Variants in TLE4 observed in about 807,000 individuals in gnomAD.
The protein encoded by TLE4 is TLE family member 4, transcriptional corepressor, also known as transducin-like enhancer protein 4.
A neutral mutation model predicts 92.8 loss-of-function variants in TLE4; 8 were observed. That is an observed-to-expected ratio of 0.09 (90% confidence interval 0.05 to 0.16). The LOEUF (loss-of-function observed/expected upper bound fraction) is 0.16. Among genes scored for constraint, TLE4 ranks in the 10% least tolerant of loss-of-function variants. The probability of loss-of-function intolerance (pLI) is 1.00; values close to 1 mark genes in which losing one functional copy is unlikely to be tolerated. For missense variants in TLE4, 675 were observed against 997.6 expected, an observed-to-expected ratio of 0.68 and a Z score of 4.36; for synonymous variants, 371 against 374.1, an observed-to-expected ratio of 0.99 and a Z score of 0.10.
chr9:79,690,116 T>C (rs2066741725), intron 8 of TLE4, among the ~76,000 whole-genome samples: 1 of 152,166 alleles, frequency 6.6e-6, no homozygotes, highest in Non-Finnish European at 1.5e-5. Flanking sequence ...TCCTTGTTGC[T>C]CTATACCTTA....
intron 8 of TLE4, among the ~76,000 whole-genome samples, chr9:79,697,832 T>C (rs892199621): frequency 6.6e-6 from 1 of 152,016 alleles, no homozygotes; most frequent in African/African-American, 2.4e-5. Context: ...AAGAAAAAAA[T>C]ATGTAATACT....
intron 8 of TLE4, among the ~76,000 whole-genome samples, chr9:79,689,187 G>T (rs2066513449): frequency 6.6e-6 from 1 of 152,098 alleles, no homozygotes; most frequent in East Asian, 1.9e-4. Context: ...GTGTGTGTGT[G>T]GGTATGTTTA....
chr9:79,707,964 C>CT, intron 11 of TLE4, among the ~76,000 whole-genome samples, 154 bp from the exon 12 acceptor site: 2 of 152,354 alleles, frequency 1.3e-5, no homozygotes, highest in East Asian at 3.9e-4. Context: ...TCTTTTGTTT[C>CT]TTTGTTAACT....
At chr9:79,584,370 A>T (rs978391524) in intron 4 of TLE4, among the ~76,000 whole-genome samples, 6 of 152,158 alleles carry the variant, frequency 3.9e-5, no homozygotes, top group Non-Finnish European at 7.3e-5. Flanking sequence ...GGAGTCTAGG[A>T]TCAGCAATAT....
chr9:79,722,179 C>A (rs896687397), intron 17 of TLE4, among the ~76,000 whole-genome samples: 4 of 151,774 alleles, frequency 2.6e-5, no homozygotes, highest in Non-Finnish European at 5.9e-5. Flanking sequence ...CAAAAAAAAA[C>A]AAAAATGATA....
At chr9:79,668,707 G>A (rs1376676710) in intron 8 of TLE4, 1 of 409,488 alleles carries the variant, frequency 2.4e-6, no homozygotes, top group Non-Finnish European at 3.3e-6. Flanking sequence ...GAGGTGGGGA[G>A]GATTAAGAAG....
At chr9:79,609,714 T>A (rs2047934960) in intron 4 of TLE4, among the ~76,000 whole-genome samples, 11 of 152,058 alleles carry the variant, frequency 7.2e-5, no homozygotes, top group Admixed American at 7.2e-4. Flanking sequence ...TTTAGCAGTG[T>A]CCATAAAGCA....
In TLE4 at chr9:79,718,172, GC is replaced by G; in HGVS notation, c.1341-549del. On this transcript the variant is annotated intron_variant, in intron 14 of 19. Coordinates refer to ENST00000376552, the MANE Select transcript of TLE4 (RefSeq NM_007005.6). ...AGTCTGATCAAGGTTTTAAAATAGG[GC>G]TTTATCTTTTTTTTTTTGGCACATC... 9.6e-6 allele frequency: 4 copies of G among 417,430 alleles called. No homozygotes were observed. In the Admixed American group the frequency reaches 1.2e-4, roughly 13 times the overall value. The allele number at this position is 417,430 out of a possible 1,614,324, so 25.9% of individuals were successfully genotyped here.
chr9:79,650,753 C>G (rs1341509889), intron 6 of TLE4, among the ~76,000 whole-genome samples: 1 of 151,978 alleles, frequency 6.6e-6, no homozygotes, highest in Non-Finnish European at 1.5e-5. Context: ...CTGGATGTGG[C>G]TCCCATTTTC....
chr9:79,666,198 G>T lies in TLE4; in HGVS notation c.609+12123G>T, dbSNP rs867102541. 3.3e-3 allele frequency among the ~76,000 whole-genome samples: 419 copies of T among 128,088 alleles called. 4 individuals are homozygous for T. Among genetic ancestry groups the T allele is most frequent in the African/African-American group, 8.8e-3 (313 of 35,554 alleles). 84.0% of individuals were successfully genotyped at this position (128,088 alleles called of 152,430 possible). ...GTGTGTGTGTGTGTGTGTGTGTGTG[G>T]GTGGGGTTTTTTTTTTTTGTTTTTT... On this transcript the variant is annotated intron_variant, in intron 8 of 19. Coordinates refer to ENST00000376552, the MANE Select transcript of TLE4 (RefSeq NM_007005.6).
At chr9:79,573,164 G>C in intron 1 of TLE4, 1 of 868,104 alleles carries the variant, frequency 1.2e-6, no homozygotes. Context: ...CTCCGCGCCC[G>C]GGCGGGGAGG....
intron 5 of TLE4, among the ~76,000 whole-genome samples, chr9:79,621,853 T>C (rs1299477086): frequency 6.6e-6 from 1 of 152,200 alleles, no homozygotes; most frequent in African/African-American, 2.4e-5. Context: ...CTTAAGTACA[T>C]GTGGCTAATG....
rs113862310 is a variant in TLE4, at chr9:79,712,188, C to T, written c.1340+2489C>T. 2.5e-3 allele frequency among the ~76,000 whole-genome samples: 386 copies of T among 152,244 alleles called. 1 individual carries two copies. Among genetic ancestry groups the T allele is most frequent in the African/African-American group, 8.9e-3 (369 of 41,532 alleles). ...CATTATTTCCCTTTCAGCTTTGTCC[C>T]AGCATATTATTCATTTTTCAGCTAC... On this transcript the variant is annotated intron_variant, in intron 14 of 19. Coordinates refer to ENST00000376552, the MANE Select transcript of TLE4 (RefSeq NM_007005.6).
At chr9:79,697,643 AACAGTGAAGAAACCCCCGAGAGG>A (rs1397842287) in intron 8 of TLE4, among the ~76,000 whole-genome samples, 1 of 152,138 alleles carries the variant, frequency 6.6e-6, no homozygotes, top group Non-Finnish European at 1.5e-5. Context: ...AAGAGGAAGC[AACAGTGAAGAAACCCCCGAGAGG>A]ACATTAAGAT....
At chr9:79,715,670 A>G (rs892508830) in intron 14 of TLE4, among the ~76,000 whole-genome samples, 2 of 152,064 alleles carry the variant, frequency 1.3e-5, no homozygotes, top group Non-Finnish European at 2.9e-5. Context: ...CCAGTGTATT[A>G]AAGACTTGAT....
chr9:79,593,704 A>G (rs1400523483), intron 4 of TLE4, among the ~76,000 whole-genome samples: 3 of 152,232 alleles, frequency 2.0e-5, no homozygotes, highest in Non-Finnish European at 4.4e-5. Context: ...AGGCAGAGGC[A>G]TCCCTGTGTC....
At position 79,706,787 on chromosome 9, in the gene TLE4, G is replaced by A. The variant is rs760616309; in HGVS notation, c.824G>A (p.Arg275Lys). The A allele has an allele frequency of 2.5e-6, 4 of 1,614,096 alleles. No individual in the cohort carries two copies. The highest frequency in any genetic ancestry group is 3.3e-5 in the Admixed American group (2 of 60,014). The change falls in exon 11 of 20, where the codon AGA becomes AAA. Residue 275 changes from arginine to lysine, a missense_variant. Coordinates refer to ENST00000376552, the MANE Select transcript of TLE4 (RefSeq NM_007005.6). ...SPRGSPAHSP[R>K]ENGLDKTRLL... is the part of the protein sequence containing the mutation. ...CGAGGGAGCCCAGCACATTCCCCCA[G>A]AGAGAATGGCCTAGACAAGACACGC...
In TLE4 at chr9:79,725,468, CTAAA is replaced by C; in HGVS notation, c.*329_*332del. On this transcript the variant is annotated 3_prime_UTR_variant, in exon 20 of 20. Coordinates refer to ENST00000376552, the MANE Select transcript of TLE4 (RefSeq NM_007005.6). ...AAGAAGGCTTTCTAACAATGACTGA[CTAAA>C]TAAAGCTGTCTGCTCCTGCATTGAT... 1 of 184,350 alleles carries C rather than the reference CTAAA, an allele frequency of 5.4e-6. No individual in the cohort carries two copies. Among genetic ancestry groups the C allele is most frequent in the South Asian group, 1.1e-4 (1 of 9,098 alleles). 11.4% of individuals were successfully genotyped at this position (184,350 alleles called of 1,614,324 possible).
At chr9:79,718,309 C>T (rs1015539582) in intron 14 of TLE4, among the ~76,000 whole-genome samples, 12 of 152,114 alleles carry the variant, frequency 7.9e-5, no homozygotes, top group African/African-American at 2.4e-4. Context: ...GATCTATAGG[C>T]GAGGTCTCAT....
Sources: gnomAD v4.1 joint callset for allele counts (sites outside exome capture counted in the v4.1 genomes callset) on GRCh38, gnomAD v4.1.1 for gene constraint, MANE v1.5 for transcripts, NCBI Gene and HGNC (gene_info 2026-07-23, HGNC 2026-07-21) for gene names.